Variants in SBK1 observed in about 807,000 individuals in gnomAD.
SBK1 encodes the protein serine/threonine-protein kinase SBK1.
SBK1 carries 11 observed loss-of-function variants against 24.4 expected under a neutral mutation model. That is an observed-to-expected ratio of 0.45 (90% CI 0.28 to 0.75). SBK1 has a LOEUF of 0.75. Ranked by LOEUF, SBK1 falls within the 30% of genes least tolerant of loss-of-function variation. The probability of loss-of-function intolerance (pLI) is 0.12; values close to 1 mark genes in which losing one functional copy is unlikely to be tolerated. For synonymous variants in SBK1, 308 were observed against 284.4 expected (o/e 1.08, Z -0.83); for missense variants, 467 against 620.5 (o/e 0.75, Z 2.63).
chr16:28,264,792 G>A (rs533744014), intron 1 of SBK1, among the ~76,000 whole-genome samples: 1 of 152,204 alleles, frequency 6.6e-6, no homozygotes, highest in Admixed American at 6.6e-5. Context: ...CCAGGACAGG[G>A]CCCTGAGGAC....
In SBK1 at chr16:28,282,646, A is replaced by ATGAATGAATGAATGAATGAATGAATGAC. The variant is rs1393075709; in HGVS notation, c.257+23146_257+23147insAATGAATGAATGAATGAATGAATGACTG. On this transcript the variant is annotated intron_variant, in intron 1 of 3. Coordinates refer to the SBK1 transcript ENST00000671413. ...CAAGTGTGAATGAATGAATGAATGA[A>ATGAATGAATGAATGAATGAATGAATGAC]TGGAGTGCCTTGGCCCAGAGGTTCC... Among the ~76,000 whole-genome samples the ATGAATGAATGAATGAATGAATGAATGAC allele has an allele frequency of 1.1e-4, 16 of 152,190 alleles. No individual in the cohort carries two copies. In the East Asian group the frequency reaches 2.9e-3, roughly 28 times the overall value.
chr16:28,271,635 G>A (rs1287072020), intron 1 of SBK1, among the ~76,000 whole-genome samples: 1 of 152,082 alleles, frequency 6.6e-6, no homozygotes, highest in Non-Finnish European at 1.5e-5. Context: ...AGAGAATCTC[G>A]CAGTTCACAC....
At chr16:28,311,454 G>C (rs1037064275) in intron 1 of SBK1, among the ~76,000 whole-genome samples, 1 of 152,112 alleles carries the variant, frequency 6.6e-6, no homozygotes, top group Non-Finnish European at 1.5e-5. Flanking sequence ...GAGAGGCCAG[G>C]GGTGGTGGCT....
chr16:28,293,614 G>C (rs1211569231), intron 1 of SBK1, among the ~76,000 whole-genome samples: 1 of 152,034 alleles, frequency 6.6e-6, no homozygotes, highest in Non-Finnish European at 1.5e-5. Flanking sequence ...CTGCGAGCCT[G>C]GAGGTTGGCC....
At chr16:28,267,353 C>T (rs1017740713) in intron 1 of SBK1, among the ~76,000 whole-genome samples, 4 of 152,324 alleles carry the variant, frequency 2.6e-5, no homozygotes, top group South Asian at 2.1e-4. Flanking sequence ...AGCCACTATT[C>T]GTGGCGTATC....
At position 28,322,306 on chromosome 16, in the gene SBK1, G is replaced by A. The variant is rs1567682641; in HGVS notation, c.*1385G>A. On this transcript the variant is annotated 3_prime_UTR_variant, in exon 4 of 4. Coordinates refer to ENST00000341901, the MANE Select transcript of SBK1 (RefSeq NM_001024401.3). ...AGGAGGCCCCTGCAGGTTGGTTCAG[G>A]CCCCCAGGTAGCAAAACAGAGACAA... The A allele has an allele frequency of 6.6e-6, 1 of 152,640 alleles. No homozygotes were observed. Among genetic ancestry groups the A allele is most frequent in the Non-Finnish European group, 1.5e-5 (1 of 68,328 alleles). The allele number at this position is 152,640 out of a possible 1,614,324, so 9.5% of individuals were successfully genotyped here.
chr16:28,261,636 GAGAA>G (rs2044398611), intron 1 of SBK1, among the ~76,000 whole-genome samples: 1 of 152,124 alleles, frequency 6.6e-6, no homozygotes, highest in Non-Finnish European at 1.5e-5. Context: ...TCTCAAAAAA[GAGAA>G]AGAGAGAGGG....
At chr16:28,289,459 G>A (rs1422845438), upstream of SBK1, among the ~76,000 whole-genome samples, 1 of 152,182 alleles carries the variant, frequency 6.6e-6, no homozygotes, top group African/African-American at 2.4e-5. Flanking sequence ...AGACAAAGGC[G>A]TGGAGGTATC....
rs115552823 is a variant in SBK1, at chr16:28,298,648, C to G, written c.-8+5348C>G. Among the ~76,000 whole-genome samples the G allele has an allele frequency of 6.5e-3, 993 of 152,366 alleles. 12 individuals are homozygous for G. Among genetic ancestry groups the G allele is most frequent in the African/African-American group, 0.023 (959 of 41,594 alleles). The stretch of plus-strand genomic sequence containing the variant: ...AGGGCCTGCTGCTTAAGTGTTTGCT[C>G]TGGCCTTCCCTGCCGGGGTATGCAA... On this transcript the variant is annotated intron_variant, in intron 1 of 3. Coordinates refer to ENST00000341901, the MANE Select transcript of SBK1 (RefSeq NM_001024401.3).
intron 1 of SBK1, among the ~76,000 whole-genome samples, chr16:28,301,459 A>G (rs1269447346): frequency 6.6e-6 from 1 of 152,210 alleles, no homozygotes; most frequent in Non-Finnish European, 1.5e-5. Context: ...AGGAGTTCAC[A>G]GCCCCGGGAA....
At chr16:28,266,136 G>C (rs1358649904) in intron 1 of SBK1, among the ~76,000 whole-genome samples, 1 of 152,046 alleles carries the variant, frequency 6.6e-6, no homozygotes, top group Non-Finnish European at 1.5e-5. Flanking sequence ...ACCTTGGAAG[G>C]CTGAGGCAGA....
chr16:28,284,528 G>C (rs1404179903), intron 1 of SBK1, among the ~76,000 whole-genome samples: 1 of 152,254 alleles, frequency 6.6e-6, no homozygotes, highest in Admixed American at 6.5e-5. Flanking sequence ...GAGCCATCGT[G>C]AGCAGGAGGT....
At chr16:28,265,194 A>C (rs1281653964) in intron 1 of SBK1, among the ~76,000 whole-genome samples, 1 of 152,012 alleles carries the variant, frequency 6.6e-6, no homozygotes, top group East Asian at 1.9e-4. Context: ...AGGCAGGAGG[A>C]TCACTTAAGG....
chr16:28,320,934 G>A lies in SBK1; in HGVS notation c.*13G>A. On this transcript the variant is annotated 3_prime_UTR_variant, in exon 4 of 4. Coordinates refer to ENST00000341901, the MANE Select transcript of SBK1 (RefSeq NM_001024401.3). This position sits in a 1 kb window ranked among gnomAD's most constrained non-coding sequence, Gnocchi z 8.5. Reference sequence around the variant, plus strand: ...GATCTGCGTCTGAGTCGCCTCCGCCGCCCTCGGACCCGGGAGCAGCCCGGG... The same window carrying A: ...GATCTGCGTCTGAGTCGCCTCCGCCACCCTCGGACCCGGGAGCAGCCCGGG... The A allele has an allele frequency of 7.0e-7, 1 of 1,424,232 alleles. No homozygotes were observed. The highest frequency in any genetic ancestry group is 9.2e-7 in the Non-Finnish European group (1 of 1,091,176). 88.2% of individuals were successfully genotyped at this position (1,424,232 alleles called of 1,614,324 possible).
chr16:28,301,812 T>C lies in SBK1; in HGVS notation c.-8+8512T>C, dbSNP rs575914391. Among the ~76,000 whole-genome samples the C allele has an allele frequency of 2.6e-5, 4 of 152,300 alleles. No homozygotes were observed. The South Asian group carries it at 8.3e-4, about 32-fold the overall frequency. Reference sequence around the variant, plus strand: ...TGTGCCCCATCCTGTTAAATGAGCATTCTCAGCCCCATTTTACTGATGGGC... The same window carrying C: ...TGTGCCCCATCCTGTTAAATGAGCACTCTCAGCCCCATTTTACTGATGGGC... On this transcript the variant is annotated intron_variant, in intron 1 of 3. Coordinates refer to ENST00000341901, the MANE Select transcript of SBK1 (RefSeq NM_001024401.3).
At chr16:28,289,915 A>G (rs1025628718), upstream of SBK1, among the ~76,000 whole-genome samples, 3 of 151,626 alleles carry the variant, frequency 2.0e-5, no homozygotes, top group Admixed American at 6.6e-5. Context: ...GCAAAACCCC[A>G]TCTCTACAAA....
chr16:28,318,347 G>A (rs2044812835), intron 2 of SBK1, among the ~76,000 whole-genome samples: 1 of 152,196 alleles, frequency 6.6e-6, no homozygotes, highest in South Asian at 2.1e-4. Context: ...CCTAACATGG[G>A]GTCACCTGAG....
chr16:28,323,153 GA>G lies in SBK1; in HGVS notation c.*2234del, dbSNP rs2044870836. 6.7e-6 allele frequency: 1 copy of G among 149,462 alleles called. No individual in the cohort carries two copies. Among genetic ancestry groups the G allele is most frequent in the African/African-American group, 2.5e-5 (1 of 40,130 alleles). The allele number at this position is 149,462 out of a possible 1,614,324, so 9.3% of individuals were successfully genotyped here. A position where few individuals can be genotyped will look rare whatever the true frequency, so the allele number is the denominator to read the frequency against. On this transcript the variant is annotated 3_prime_UTR_variant, in exon 4 of 4. Transcript: ENST00000341901. ...CCAGCCTGACCCCAGAGCAGAACCGGAACACCAGGTTGGGGCCCTGGTGCTG... is the reference window on the plus strand; with the variant it reads ...CCAGCCTGACCCCAGAGCAGAACCGGACACCAGGTTGGGGCCCTGGTGCTG...
chr16:28,266,036 T>C (rs917983852), intron 1 of SBK1, among the ~76,000 whole-genome samples: 1 of 151,384 alleles, frequency 6.6e-6, no homozygotes, highest in African/African-American at 2.4e-5. Flanking sequence ...AGAAGGAAGA[T>C]TGAACACACA....
Sources: gnomAD v4.1 joint callset for allele counts (sites outside exome capture counted in the v4.1 genomes callset) on GRCh38, gnomAD v4.1.1 for gene constraint, Gnocchi (gnomAD v3.1) non-coding constraint, MANE v1.5 for transcripts, NCBI Gene and HGNC (gene_info 2026-07-23, HGNC 2026-07-21) for gene names.